Variants in HMCN1 observed in about 807,000 individuals in gnomAD.
The protein encoded by HMCN1 is hemicentin 1.
Under a neutral mutation model 625.9 loss-of-function variants are expected in HMCN1, and 321 were observed. That is an observed-to-expected ratio of 0.51 (90% CI 0.47 to 0.56). The LOEUF (loss-of-function observed/expected upper bound fraction) is 0.56. Ranked by LOEUF, HMCN1 falls within the 20% of genes least tolerant of loss-of-function variation. The pLI is 0.00. For missense variants in HMCN1, 6,588 were observed against 6,887.3 expected, an observed-to-expected ratio of 0.96 and a Z score of 1.54; for synonymous variants, 2,425 against 2,417.6, an observed-to-expected ratio of 1.00 and a Z score of -0.09.
At chr1:185,872,405 T>G (rs1202647594) in intron 4 of HMCN1, among the ~76,000 whole-genome samples, 1 of 152,192 alleles carries the variant, frequency 6.6e-6, no homozygotes, top group Admixed American at 6.5e-5. Flanking sequence ...ATGTGTACTT[T>G]CCATTTGTTT....
At chr1:185,999,424 C>T (rs1653025928) in intron 25 of HMCN1, among the ~76,000 whole-genome samples, 1 of 151,856 alleles carries the variant, frequency 6.6e-6, no homozygotes, top group South Asian at 2.1e-4. Flanking sequence ...ACATCATTTC[C>T]ATTCATTCTG....
chr1:185,847,132 G>GTTT (rs142952038), intron 2 of HMCN1, among the ~76,000 whole-genome samples: 14 of 149,728 alleles, frequency 9.4e-5, no homozygotes, highest in Non-Finnish European at 1.9e-4. Context: ...CTAGCTTAGA[G>GTTT]TTTTTTTTTT....
chr1:186,131,850 TTCTC>T (rs1285621520), intron 85 of HMCN1, among the ~76,000 whole-genome samples: 3 of 152,152 alleles, frequency 2.0e-5, no homozygotes, highest in East Asian at 1.9e-4. Context: ...GTTTTTCACT[TTCTC>T]TCCTAAATTT....
At chr1:186,107,297 T>C (rs564741815) in intron 70 of HMCN1, among the ~76,000 whole-genome samples, 44 of 152,308 alleles carry the variant, frequency 2.9e-4, no homozygotes, top group African/African-American at 1.0e-3. Flanking sequence ...CTGATTCTTA[T>C]ATTTGACTAA....
At chr1:186,173,766 ACATG>A (rs1558281433) in intron 102 of HMCN1, among the ~76,000 whole-genome samples, 4 of 152,180 alleles carry the variant, frequency 2.6e-5, no homozygotes, top group Non-Finnish European at 4.4e-5. Context: ...GCTTAACTAG[ACATG>A]AGTTGAAAGA....
In HMCN1 at chr1:185,756,191, G is replaced by A. The variant is rs191846825; in HGVS notation, c.268+21144G>A. 1.9e-3 allele frequency among the ~76,000 whole-genome samples: 282 copies of A among 152,302 alleles called. 2 individuals carry two copies. The highest frequency in any genetic ancestry group is 6.8e-3 in the Middle Eastern group (2 of 294). ...AGATTTTTTACAGGATAACCATGGT[G>A]AAATTTTGGGAGAAGAGACAGTTGT... On this transcript the variant is annotated intron_variant, in intron 1 of 106. Transcript: ENST00000271588.
In HMCN1 at chr1:186,053,900, C is replaced by T. The variant is rs1432363405; in HGVS notation, c.6776C>T (p.Ala2259Val). The change falls in exon 44 of 107, where the codon GCT becomes GTT. Residue 2259 changes from alanine to valine, a missense_variant. This residue lies in a region of HMCN1 where 4,628 missense variants were observed against 4,853.1 expected (regional missense o/e 0.95). Transcript: ENST00000271588. ...SGGRQLQISI[A>V]EKSDAALYSC... Reference sequence around the variant, plus strand: ...GGCAGGCAATTACAAATTTCAATTGCTGAAAAGTCTGATGCAGCACTCTAT... The same window carrying T: ...GGCAGGCAATTACAAATTTCAATTGTTGAAAAGTCTGATGCAGCACTCTAT... The T allele has an allele frequency of 6.2e-6, 10 of 1,612,524 alleles. No homozygotes were observed. Among genetic ancestry groups the T allele is most frequent in the Non-Finnish European group, 7.6e-6 (9 of 1,179,200 alleles).
intron 1 of HMCN1, among the ~76,000 whole-genome samples, chr1:185,841,880 G>T (rs1002265809): frequency 6.6e-6 from 1 of 152,170 alleles, no homozygotes; most frequent in Non-Finnish European, 1.5e-5. Context: ...AATTATAAAA[G>T]TTCTTGCAAA....
chr1:185,839,220 C>T (rs564887746), intron 1 of HMCN1, among the ~76,000 whole-genome samples: 1 of 152,048 alleles, frequency 6.6e-6, no homozygotes, highest in Non-Finnish European at 1.5e-5. Flanking sequence ...TAACTAATGA[C>T]TAGATTTATT....
chr1:185,903,643 G>C (rs1366535669), intron 4 of HMCN1, among the ~76,000 whole-genome samples: 1 of 151,336 alleles, frequency 6.6e-6, no homozygotes, highest in Admixed American at 6.6e-5. Flanking sequence ...GTATTATCAG[G>C]GGAAGACCCT....
intron 1 of HMCN1, among the ~76,000 whole-genome samples, chr1:185,758,258 T>A (rs981843747): frequency 2.0e-5 from 3 of 152,184 alleles, no homozygotes; most frequent in African/African-American, 7.2e-5. Flanking sequence ...ATATGACTTT[T>A]AAAAAAATTA....
chr1:185,864,651 C>T (rs544429549), intron 3 of HMCN1, 23 bp downstream of exon 3: 32 of 1,611,640 alleles, frequency 2.0e-5, no homozygotes, highest in Middle Eastern at 3.3e-4. Context: ...CAACCCCAAA[C>T]GTCTCTGTCT....
At chr1:185,997,231 A>C (rs1182973594) in intron 24 of HMCN1, among the ~76,000 whole-genome samples, 198 bp from the exon 25 acceptor site, 1 of 152,064 alleles carries the variant, frequency 6.6e-6, no homozygotes, top group Non-Finnish European at 1.5e-5. Context: ...AAAATAATGA[A>C]TTTTGTTTGG....
chr1:185,886,754 T>C (rs73058209), intron 4 of HMCN1, among the ~76,000 whole-genome samples: 9,666 of 152,154 alleles, frequency 0.064, 1,076 homozygotes, highest in African/African-American at 0.22. Flanking sequence ...ATAATTTATT[T>C]TTTCTTGACT....
chr1:186,138,043 T>C, intron 89 of HMCN1, 71 bp downstream of exon 89: 1 of 1,524,360 alleles, frequency 6.6e-7, no homozygotes, highest in South Asian at 1.2e-5. Flanking sequence ...GAATTACATT[T>C]GCCTTTTCTT....
intron 30 of HMCN1, among the ~76,000 whole-genome samples, chr1:186,009,509 A>G (rs1653856541): frequency 6.6e-6 from 1 of 152,200 alleles, no homozygotes; most frequent in Non-Finnish European, 1.5e-5. Flanking sequence ...AACAGGTATC[A>G]TGCTTTGGCT....
At chr1:185,892,508 T>G (rs1300126924) in intron 4 of HMCN1, among the ~76,000 whole-genome samples, 2 of 151,936 alleles carry the variant, frequency 1.3e-5, no homozygotes, top group Non-Finnish European at 2.9e-5. Context: ...GTCCTTTCTG[T>G]CTGTTAGTTT....
chr1:185,983,795 A>G (rs1244833357), intron 18 of HMCN1, among the ~76,000 whole-genome samples: 1 of 152,220 alleles, frequency 6.6e-6, no homozygotes, highest in Non-Finnish European at 1.5e-5. Context: ...ATGGCTTGCT[A>G]GTGGTAATAA....
At chr1:185,758,822 C>A (rs1451647725) in intron 1 of HMCN1, among the ~76,000 whole-genome samples, 1 of 151,752 alleles carries the variant, frequency 6.6e-6, no homozygotes, top group South Asian at 2.1e-4. Context: ...CATTTTCATG[C>A]AGTTTTTTTT....
Sources: gnomAD v4.1 joint callset for allele counts (sites outside exome capture counted in the v4.1 genomes callset) on GRCh38, gnomAD v4.1.1 for gene constraint, gnomAD v4.1.1 regional missense constraint, MANE v1.5 for transcripts, NCBI Gene and HGNC (gene_info 2026-07-23, HGNC 2026-07-21) for gene names.